The following RAB33A variants were observed in gnomAD, a reference collection of about 807,000 sequenced individuals.
RAB33A encodes the protein ras-related protein Rab-33A.
Under a neutral mutation model 12.0 loss-of-function variants are expected in RAB33A, and 6 were observed. The observed-to-expected ratio is 0.50, with a 90% CI of 0.27 to 0.99. The LOEUF (loss-of-function observed/expected upper bound fraction) is 0.99. Ranked by LOEUF, RAB33A falls within the 50% of genes least tolerant of loss-of-function variation. The probability of loss-of-function intolerance (pLI) is 0.11; values close to 1 mark genes in which losing one functional copy is unlikely to be tolerated. For missense variants in RAB33A, 109 were observed against 192.0 expected, an observed-to-expected ratio of 0.57 and a Z score of 2.55; for synonymous variants, 70 against 82.4, an observed-to-expected ratio of 0.85 and a Z score of 0.81.
chrX:130,145,464 G>A, the RAB33A span: 36 of 1,177,262 alleles, frequency 3.1e-5, no homozygotes, highest in Non-Finnish European at 4.0e-5. Flanking sequence ...CAAAAGAAGC[G>A]GTCTACTAGC....
the RAB33A span, chrX:130,147,860 T>C: frequency 7.8e-5 from 94 of 1,210,116 alleles, no homozygotes; most frequent in African/African-American, 1.7e-5. Flanking sequence ...CTTGAGGAAC[T>C]TCCTCTCCTT....
At chrX:130,156,646 AAT>A in the RAB33A span, 4 of 1,160,076 alleles carry the variant, frequency 3.4e-6, no homozygotes, top group East Asian at 3.0e-5. Context: ...ACAAAAATAA[AAT>A]AGTTAATACA....
chrX:130,180,527 T>TC (rs200276277), intron 1 of RAB33A, among the ~76,000 whole-genome samples: 1,313 of 111,201 alleles, frequency 0.012, 15 homozygotes, highest in African/African-American at 0.041. Flanking sequence ...CCATCTCGGC[T>TC]CACTGCAAGC....
At chrX:130,134,805 G>A in the RAB33A span, among the ~76,000 whole-genome samples, 1 of 111,773 alleles carries the variant, frequency 8.9e-6, no homozygotes, top group Non-Finnish European at 1.9e-5. Flanking sequence ...CAACGAGTGA[G>A]CAACCGTAAA....
chrX:130,137,443 G>T, the RAB33A span: 21 of 1,166,055 alleles, frequency 1.8e-5, no homozygotes, highest in Non-Finnish European at 2.4e-5. Context: ...TTCCACCCAT[G>T]CAGTCACCTA....
At chrX:130,150,326 CTTTTTTTTTTTTTT>C in the RAB33A span, among the ~76,000 whole-genome samples, 1 of 61,650 alleles carries the variant, frequency 1.6e-5, no homozygotes, top group Admixed American at 1.8e-4. Flanking sequence ...TTATTGGAGA[CTTTTTTTTTTTTTT>C]TTTTTTTTTT....
At chrX:130,143,002 C>A in the RAB33A span, among the ~76,000 whole-genome samples, 1 of 111,844 alleles carries the variant, frequency 8.9e-6, no homozygotes, top group Non-Finnish European at 1.9e-5. Context: ...CATTCTTTTT[C>A]TTGAAACTCC....
the RAB33A span, among the ~76,000 whole-genome samples, chrX:130,160,200 T>C: frequency 8.9e-6 from 1 of 112,106 alleles, no homozygotes; most frequent in Admixed American, 9.5e-5. Context: ...ATTGTTTGCT[T>C]ACATTCCCCC....
the RAB33A span, among the ~76,000 whole-genome samples, chrX:130,128,482 G>C: frequency 9.0e-6 from 1 of 111,650 alleles, no homozygotes; most frequent in African/African-American, 3.3e-5. Context: ...TGAGGCAGCA[G>C]AATCACTTGA....
the RAB33A span, among the ~76,000 whole-genome samples, chrX:130,162,800 G>T: frequency 1.8e-5 from 2 of 111,695 alleles, no homozygotes. Context: ...AGCACTGTTT[G>T]GTGACCAAAC....
chrX:130,165,467 C>A, the RAB33A span: 2 of 810,449 alleles, frequency 2.5e-6, no homozygotes, highest in East Asian at 3.4e-5. Context: ...CTCGCGGGGA[C>A]GCGGGGGTAG....
At chrX:130,161,695 C>T in the RAB33A span, among the ~76,000 whole-genome samples, 1 of 103,197 alleles carries the variant, frequency 9.7e-6, no homozygotes, top group Non-Finnish European at 2.0e-5. Context: ...GCAACCTCCA[C>T]TTCCCGGGTT....
At chrX:130,128,198 T>C in the RAB33A span, among the ~76,000 whole-genome samples, 1 of 111,824 alleles carries the variant, frequency 8.9e-6, no homozygotes, top group South Asian at 3.7e-4. Flanking sequence ...AAATCCAGAC[T>C]GGTAATAATT....
chrX:130,153,178 C>CAAA, the RAB33A span, among the ~76,000 whole-genome samples: 1 of 43,914 alleles, frequency 2.3e-5, no homozygotes, highest in Admixed American at 3.1e-4. Context: ...ACTAAAAATA[C>CAAA]AAAAAAAAAA....
intron 1 of RAB33A, among the ~76,000 whole-genome samples, chrX:130,176,708 T>C (rs1016816287): frequency 2.7e-5 from 3 of 112,174 alleles, no homozygotes; most frequent in African/African-American, 9.7e-5. Flanking sequence ...CTTCTTTCTG[T>C]GTGTGAGTTT....
chrX:130,169,081 G>A (rs1191147708), upstream of RAB33A, among the ~76,000 whole-genome samples: 2 of 109,284 alleles, frequency 1.8e-5, no homozygotes, highest in East Asian at 5.7e-4. Context: ...GGTGGCGGGC[G>A]CCTGTAGTCC....
the RAB33A span, among the ~76,000 whole-genome samples, chrX:130,152,093 G>A: frequency 9.7e-6 from 1 of 103,098 alleles, no homozygotes; most frequent in Non-Finnish European, 2.0e-5. Flanking sequence ...CCAAAAAAGG[G>A]AAGAGAAGAG....
the RAB33A span, among the ~76,000 whole-genome samples, chrX:130,135,757 A>T: frequency 8.9e-6 from 1 of 112,010 alleles, no homozygotes. Flanking sequence ...GCTTATGTGC[A>T]TGCCCACCAG....
chrX:130,138,444 G>A, the RAB33A span: 2 of 473,640 alleles, frequency 4.2e-6, no homozygotes, highest in East Asian at 3.9e-5. Context: ...CAGCCTGGGT[G>A]ACAGAGCGAG....
Sources: gnomAD v4.1 joint callset for allele counts (sites outside exome capture counted in the v4.1 genomes callset) on GRCh38, gnomAD v4.1.1 for gene constraint, MANE v1.5 for transcripts, NCBI Gene and HGNC (gene_info 2026-07-23, HGNC 2026-07-21) for gene names.